MOV10L1: variants seen among roughly 807,000 people sequenced by gnomAD.
MOV10L1 encodes the protein RNA helicase Mov10l1.
Under a neutral mutation model 143.8 loss-of-function variants are expected in MOV10L1, and 110 were observed. The ratio of observed to expected loss-of-function variants is 0.76; its 90% confidence interval spans 0.66 to 0.90. MOV10L1 has a LOEUF of 0.90. Among genes scored for constraint, MOV10L1 ranks in the 40% least tolerant of loss-of-function variants. The pLI is 0.00. For missense variants in MOV10L1, 1,406 were observed against 1,526.8 expected (o/e 0.92, Z 1.32); for synonymous variants, 593 against 581.1 (o/e 1.02, Z -0.29).
At chr22:50,136,195 G>A (rs1409640340) in intron 15 of MOV10L1, among the ~76,000 whole-genome samples, 1 of 151,918 alleles carries the variant, frequency 6.6e-6, no homozygotes, top group Non-Finnish European at 1.5e-5. Context: ...GTCTTCCTTG[G>A]ACAGTGCTTT....
At chr22:50,161,278 C>A (rs1344854033) in intron 26 of MOV10L1, 90 bp from the exon 27 acceptor site, 1 of 1,183,506 alleles carries the variant, frequency 8.4e-7, no homozygotes, top group Non-Finnish European at 1.2e-6. Flanking sequence ...ACTAAGTCCC[C>A]TTGTAAAACC....
chr22:50,111,485 GC>G (rs1211466215), intron 5 of MOV10L1, among the ~76,000 whole-genome samples: 1 of 99,906 alleles, frequency 1.0e-5, no homozygotes, highest in East Asian at 2.8e-4. Flanking sequence ...CTCTGTCTTT[GC>G]TTTTTTTTTT....
At chr22:50,099,130 C>T (rs1297938936) in intron 2 of MOV10L1, among the ~76,000 whole-genome samples, 1 of 152,138 alleles carries the variant, frequency 6.6e-6, no homozygotes, top group Non-Finnish European at 1.5e-5. Flanking sequence ...GTTGGTGTCC[C>T]CCAAAATACG....
intron 15 of MOV10L1, among the ~76,000 whole-genome samples, chr22:50,140,812 TC>T (rs2062963490): frequency 6.6e-6 from 1 of 152,030 alleles, no homozygotes; most frequent in Non-Finnish European, 1.5e-5. Flanking sequence ...AACCTTGACC[TC>T]CTGGACTCTA....
chr22:50,101,113 A>C (rs553133200), intron 3 of MOV10L1, among the ~76,000 whole-genome samples: 1 of 151,842 alleles, frequency 6.6e-6, no homozygotes, highest in Non-Finnish European at 1.5e-5. Flanking sequence ...GATGAATAGA[A>C]GTTTTCTGCT....
chr22:50,102,622 C>A (rs779697989), intron 3 of MOV10L1, among the ~76,000 whole-genome samples: 1 of 152,150 alleles, frequency 6.6e-6, no homozygotes, highest in Non-Finnish European at 1.5e-5. Context: ...TAGCATCAGG[C>A]CTGGCACAGT....
chr22:50,104,320 G>A lies in MOV10L1; in HGVS notation c.443-3816G>A, dbSNP rs1343140039. Among the ~76,000 whole-genome samples the A allele has an allele frequency of 3.9e-5, 6 of 152,196 alleles. No individual in the cohort carries two copies. In the East Asian group the frequency reaches 1.2e-3, roughly 29 times the overall value. On this transcript the variant is annotated intron_variant, in intron 3 of 26. Transcript: ENST00000262794. ...GGTGCCTTCTGTCTACTCTCCCCCAGCCTGCCCTGTGTGGACTGTCCAGCC... is the reference window on the plus strand; with the variant it reads ...GGTGCCTTCTGTCTACTCTCCCCCAACCTGCCCTGTGTGGACTGTCCAGCC...
intron 9 of MOV10L1, among the ~76,000 whole-genome samples, chr22:50,117,913 C>A (rs550363832): frequency 1.3e-5 from 2 of 152,130 alleles, no homozygotes; most frequent in Non-Finnish European, 2.9e-5. Context: ...GTGTTCTCTT[C>A]TGTAGTTATA....
At chr22:50,144,869 C>T (rs1001106288) in intron 18 of MOV10L1, among the ~76,000 whole-genome samples, 11 of 152,290 alleles carry the variant, frequency 7.2e-5, no homozygotes, top group African/African-American at 2.6e-4. Flanking sequence ...GCGTGAGCCA[C>T]CGTGCCCGGC....
Position 50,090,650 on chromosome 22 carries a change from C to T in MOV10L1, c.97+465C>T, listed in dbSNP as rs189175415. 335 of 1,074,268 alleles carry T rather than the reference C, an allele frequency of 3.1e-4. 1 individual carries two copies. In the African/African-American group the frequency reaches 4.2e-3, roughly 14 times the overall value. The allele number at this position is 1,074,268 out of a possible 1,614,324, so 66.5% of individuals were successfully genotyped here. On this transcript the variant is annotated intron_variant, in intron 1 of 26. Coordinates refer to ENST00000262794, the MANE Select transcript of MOV10L1 (RefSeq NM_018995.3). ...AAAGCCCGGGATGCGCCCGGATGCC[C>T]TCACCGTTCCTTTCTCCTGAGGTGT...
chr22:50,140,885 G>A (rs2062965351), intron 15 of MOV10L1, among the ~76,000 whole-genome samples: 1 of 151,800 alleles, frequency 6.6e-6, no homozygotes, highest in Non-Finnish European at 1.5e-5. Flanking sequence ...ACTACCCCTG[G>A]CCCCAGAACT....
intron 12 of MOV10L1, among the ~76,000 whole-genome samples, chr22:50,127,916 G>A (rs1232617629): frequency 6.6e-6 from 1 of 152,062 alleles, no homozygotes; most frequent in African/African-American, 2.4e-5. Flanking sequence ...GGGATTACAG[G>A]TGCCCAGCAC....
intron 5 of MOV10L1, among the ~76,000 whole-genome samples, chr22:50,113,227 TCAAAG>T (rs1176639568): frequency 6.6e-6 from 1 of 152,206 alleles, no homozygotes; most frequent in African/African-American, 2.4e-5. Flanking sequence ...TTCAAACACT[TCAAAG>T]CAACAAAACT....
At chr22:50,113,852 T>A in intron 6 of MOV10L1, 64 bp downstream of exon 6, 1 of 1,353,604 alleles carries the variant, frequency 7.4e-7, no homozygotes, top group Non-Finnish European at 9.6e-7. Context: ...TATGACTCAA[T>A]AATTTCTGTA....
At position 50,142,199 on chromosome 22, in the gene MOV10L1, C is replaced by A; in HGVS notation, c.2179+10C>A. 1 of 1,599,966 alleles carries A rather than the reference C, an allele frequency of 6.3e-7. No homozygotes were observed. Among genetic ancestry groups the A allele is most frequent in the South Asian group, 1.1e-5 (1 of 88,904 alleles). ...GAGATGAGCGATTGGGGTATGTGCT[C>A]ATGAGGGGCAAGGAGAAGAGCAACT... On this transcript the variant is annotated intron_variant, in intron 16 of 26. Coordinates refer to ENST00000262794, the MANE Select transcript of MOV10L1 (RefSeq NM_018995.3).
At chr22:50,110,627 T>C (rs1019973667) in intron 5 of MOV10L1, among the ~76,000 whole-genome samples, 1 of 152,034 alleles carries the variant, frequency 6.6e-6, no homozygotes, top group African/African-American at 2.4e-5. Flanking sequence ...ATGTAGTTGG[T>C]TCTTAAAATT....
intron 20 of MOV10L1, 35 bp downstream of exon 20, chr22:50,149,749 TC>T: frequency 6.4e-7 from 1 of 1,569,956 alleles, no homozygotes. Flanking sequence ...TGCTTCCTCC[TC>T]ACCCCGTTCT....
intron 20 of MOV10L1, among the ~76,000 whole-genome samples, chr22:50,150,510 A>G (rs954952972): frequency 4.6e-5 from 7 of 152,086 alleles, no homozygotes; most frequent in African/African-American, 1.7e-4. Flanking sequence ...GAAGCCGGGC[A>G]GATGGCAGGA....
intron 21 of MOV10L1, among the ~76,000 whole-genome samples, chr22:50,151,272 A>C (rs2063291746): frequency 6.6e-6 from 1 of 152,186 alleles, no homozygotes. Flanking sequence ...CTTGCACCAA[A>C]TTCTGAGGGA....
Sources: gnomAD v4.1 joint callset for allele counts (sites outside exome capture counted in the v4.1 genomes callset) on GRCh38, gnomAD v4.1.1 for gene constraint, MANE v1.5 for transcripts, NCBI Gene and HGNC (gene_info 2026-07-23, HGNC 2026-07-21) for gene names.